Variants in NFATC4 observed in about 807,000 individuals in gnomAD.
NFATC4 encodes nuclear factor of activated T-cells, cytoplasmic 4.
NFATC4 carries 25 observed loss-of-function variants against 73.4 expected under a neutral mutation model. That is an observed-to-expected ratio of 0.34 (90% CI 0.25 to 0.48). The LOEUF is 0.48. Among genes scored for constraint, NFATC4 ranks in the 20% least tolerant of loss-of-function variants. The probability of loss-of-function intolerance (pLI) is 0.99; values close to 1 mark genes in which losing one functional copy is unlikely to be tolerated. For synonymous variants in NFATC4, 523 were observed against 510.3 expected (o/e 1.02, Z -0.34); for missense variants, 1,130 against 1,203.7 (o/e 0.94, Z 0.91).
chr14:24,368,143 C>G, upstream of NFATC4: 1 of 1,204,592 alleles, frequency 8.3e-7, no homozygotes, highest in Non-Finnish European at 1.0e-6. Context: ...GGGGGGGGAC[C>G]GCTTTGAAGA....
chr14:24,372,160 A>C, intron 2 of NFATC4: 1 of 391,612 alleles, frequency 2.6e-6, no homozygotes, highest in East Asian at 5.2e-5. Flanking sequence ...AGAGCTGGGA[A>C]GAAGGGAGTT....
intron 2 of NFATC4, 136 bp from the exon 3 acceptor site, chr14:24,372,305 A>C: frequency 1.1e-6 from 1 of 891,046 alleles, no homozygotes; most frequent in Non-Finnish European, 1.6e-6. Context: ...TCTTTTCACA[A>C]GTGTTAATGT....
rs755315474 is a variant in NFATC4, at chr14:24,374,121, C to A, written c.1733-205C>A. Reference sequence around the variant, plus strand: ...CTTGTTTGGGAAACTCCCTGGTCTACCCTGTTTAACCCTCTCTCTGCTCTG... The same window carrying A: ...CTTGTTTGGGAAACTCCCTGGTCTAACCTGTTTAACCCTCTCTCTGCTCTG... On this transcript the variant is annotated intron_variant, in intron 5 of 9. Coordinates refer to ENST00000250373, the MANE Select transcript of NFATC4 (RefSeq NM_004554.5). The A allele has an allele frequency of 1.7e-5, 15 of 876,662 alleles. No individual in the cohort carries two copies. In the South Asian group the frequency reaches 2.1e-4, roughly 13 times the overall value. The allele number at this position is 876,662 out of a possible 1,614,324, so 54.3% of individuals were successfully genotyped here.
Position 24,373,943 on chromosome 14 carries a change from T to G in NFATC4, c.1732+76T>G. Reference sequence around the variant, plus strand: ...CTGTGTGTGTGTGTCTGTCTGCCCATTCCCTCTGCAGCGTCCTGTGCCCTG... The same window carrying G: ...CTGTGTGTGTGTGTCTGTCTGCCCAGTCCCTCTGCAGCGTCCTGTGCCCTG... On this transcript the variant is annotated intron_variant, in intron 5 of 9. Transcript: ENST00000250373. The surrounding 1 kb of genome is among the most constrained non-coding windows in gnomAD (Gnocchi z 4.7). 1 of 1,577,624 alleles carries G rather than the reference T, an allele frequency of 6.3e-7. No homozygotes were observed. Among genetic ancestry groups the G allele is most frequent in the Non-Finnish European group, 8.6e-7 (1 of 1,156,512 alleles).
intron 1 of NFATC4, chr14:24,369,246 C>G: frequency 6.5e-7 from 1 of 1,537,880 alleles, no homozygotes; most frequent in Non-Finnish European, 8.7e-7. Context: ...ACCTCTCTCA[C>G]CTTAAGACCC....
chr14:24,372,817 G>A (rs1375278224), intron 3 of NFATC4: 2 of 636,456 alleles, frequency 3.1e-6, no homozygotes, highest in Admixed American at 5.9e-5. Context: ...CATCCCATGG[G>A]ACACCAGCCT....
chr14:24,374,284 A>G (rs1566468832), intron 5 of NFATC4, 42 bp from the exon 6 acceptor site: 1 of 1,573,056 alleles, frequency 6.4e-7, no homozygotes, highest in Non-Finnish European at 8.6e-7. Context: ...CCACCCCTCC[A>G]TGCCCAGCCC....
intron 5 of NFATC4, 93 bp from the exon 6 acceptor site, chr14:24,374,233 C>T (rs980319315): frequency 2.7e-6 from 4 of 1,471,800 alleles, no homozygotes; most frequent in African/African-American, 2.8e-5. Flanking sequence ...TCCCTCAGAG[C>T]CCTGTGGCAG....
At chr14:24,372,689 A>G in intron 3 of NFATC4, 86 bp downstream of exon 3, 3 of 1,539,112 alleles carry the variant, frequency 1.9e-6, no homozygotes, top group Non-Finnish European at 1.8e-6. Context: ...GCCCTTTCCC[A>G]CACTCCCTCT....
rs915895864 is a variant in NFATC4 at position 24,378,325 on chromosome 14, A to T, written c.*620A>T. ...TAGGAGCTTTGGGATGAGGCCCAGG[A>T]GGCTGCATTTTTCCAGGTCCTTAGT... is the stretch of plus-strand genomic sequence containing the variant. On this transcript the variant is annotated 3_prime_UTR_variant, in exon 10 of 10. Coordinates refer to ENST00000250373, the MANE Select transcript of NFATC4 (RefSeq NM_004554.5). 4 of 155,022 alleles carry T rather than the reference A, an allele frequency of 2.6e-5. No homozygotes were observed. Among genetic ancestry groups the T allele is most frequent in the Non-Finnish European group, 5.7e-5 (4 of 69,634 alleles). 9.6% of individuals were successfully genotyped at this position (155,022 alleles called of 1,614,324 possible). A position where few individuals can be genotyped will look rare whatever the true frequency, so the allele number is the denominator to read the frequency against.
chr14:24,372,530 A>G lies in NFATC4; in HGVS notation c.1286A>G (p.His429Arg). 6.2e-7 allele frequency: 1 copy of G among 1,613,964 alleles called. No individual in the cohort carries two copies. Among genetic ancestry groups the G allele is most frequent in the South Asian group, 1.1e-5 (1 of 91,076 alleles). Reference protein sequence around the residue: ...LRIEVQPRAHHRAHYETEGSR... With the variant: ...LRIEVQPRAHRRAHYETEGSR... ...ATCGAGGTACAGCCTAGAGCCCACC[A>G]CCGGGCCCACTATGAGACAGAAGGC... The change falls in exon 3 of 10, where the codon CAC becomes CGC. Residue 429 changes from histidine to arginine, a missense_variant. Around this residue, in one of 3 missense-constraint regions of NFATC4, gnomAD observed 585 missense variants for 574.3 expected, o/e 1.02. Transcript: ENST00000250373.
In NFATC4 at chr14:24,376,270, T is replaced by C. The variant is rs910430246; in HGVS notation, c.2057-24T>C. The C allele has an allele frequency of 3.9e-6, 6 of 1,557,052 alleles. No homozygotes were observed. In the African/African-American group the frequency reaches 4.1e-5, roughly 11 times the overall value. On this transcript the variant is annotated intron_variant, in intron 8 of 9. Coordinates refer to ENST00000250373, the MANE Select transcript of NFATC4 (RefSeq NM_004554.5). The surrounding 1 kb of genome is among the most constrained non-coding windows in gnomAD (Gnocchi z 5.0). ...GACTACCAGACCTCTCACCAGCATGTCCTCCCACTTCCTGTCTTCCCAGTG... is the reference window on the plus strand; with the variant it reads ...GACTACCAGACCTCTCACCAGCATGCCCTCCCACTTCCTGTCTTCCCAGTG...
Position 24,373,049 on chromosome 14 carries a change from C to G in NFATC4, c.1360-122C>G, listed in dbSNP as rs544912477. On this transcript the variant is annotated intron_variant, in intron 3 of 9. Transcript: ENST00000250373. This position sits in a 1 kb window ranked among gnomAD's most constrained non-coding sequence, Gnocchi z 4.7. ...CGGGTGCCCAGTTCCCCAAGGGATT[C>G]CCTTGCAGGATATCCTTTATCTTTC... is the stretch of plus-strand genomic sequence containing the variant. The G allele has an allele frequency of 1.8e-5, 18 of 982,460 alleles. No individual in the cohort carries two copies. In the African/African-American group the frequency reaches 2.8e-4, roughly 15 times the overall value. 60.9% of individuals were successfully genotyped at this position (982,460 alleles called of 1,614,324 possible).
intron 1 of NFATC4, chr14:24,369,277 TC>T: frequency 6.5e-7 from 1 of 1,549,206 alleles, no homozygotes; most frequent in Non-Finnish European, 8.7e-7. Context: ...GTACCCTCGG[TC>T]CTAGGATCCA....
At chr14:24,372,701 A>T in intron 3 of NFATC4, 98 bp downstream of exon 3, 1 of 1,485,740 alleles carries the variant, frequency 6.7e-7, no homozygotes, top group South Asian at 1.2e-5. Context: ...ACTCCCTCTC[A>T]GCTCTGACCC....
chr14:24,367,572 G>A, upstream of NFATC4: 1 of 1,536,124 alleles, frequency 6.5e-7, no homozygotes, highest in Non-Finnish European at 8.7e-7. Flanking sequence ...CTTCATCTTT[G>A]GGGGTCCTGG....
Position 24,377,168 on chromosome 14 carries a change from T to A in NFATC4, c.2641+290T>A, listed in dbSNP as rs527361384. ...TAGAAGCACTTTCAAGATCATTCCA[T>A]CCAGCGCATTCAATTTGCAAGTTTA... On this transcript the variant is annotated intron_variant, in intron 9 of 9. Transcript: ENST00000250373. This position sits in a 1 kb window ranked among gnomAD's most constrained non-coding sequence, Gnocchi z 4.2. 6 of 1,290,696 alleles carry A rather than the reference T, an allele frequency of 4.6e-6. No homozygotes were observed. The African/African-American group carries it at 9.0e-5, about 19-fold the overall frequency. The allele number at this position is 1,290,696 out of a possible 1,614,324, so 80.0% of individuals were successfully genotyped here.
At position 24,370,031 on chromosome 14, in the gene NFATC4, G is replaced by A. The variant is rs1451740315; in HGVS notation, c.633G>A (p.Leu211=). ...ELNEAASRFG[L]GSPLPSPRAS... is the part of the protein sequence containing the mutation. ...ATGAGGCGGCCTCCCGCTTTGGCCTGGGCTCCCCGCTGCCCTCGCCCCGGG... is the reference window on the plus strand; with the variant it reads ...ATGAGGCGGCCTCCCGCTTTGGCCTAGGCTCCCCGCTGCCCTCGCCCCGGG... Residue 211 remains leucine (L), a synonymous_variant, in exon 2 of 10, where the codon CTG becomes CTA. Coordinates refer to ENST00000250373, the MANE Select transcript of NFATC4 (RefSeq NM_004554.5). 1 of 1,611,254 alleles carries A rather than the reference G, an allele frequency of 6.2e-7. No individual in the cohort carries two copies. Among genetic ancestry groups the A allele is most frequent in the Non-Finnish European group, 8.5e-7 (1 of 1,179,932 alleles).
rs746242895 is a variant in NFATC4, at chr14:24,370,191, C to T, written c.793C>T (p.Pro265Ser). The T allele has an allele frequency of 3.5e-5, 57 of 1,607,632 alleles. No homozygotes were observed. Among genetic ancestry groups the T allele is most frequent in the Non-Finnish European group, 4.7e-5 (56 of 1,179,908 alleles). The change falls in exon 2 of 10, where the codon CCA becomes TCA. Residue 265 changes from proline to serine, a missense_variant. Pro to Ser is a moderately conservative substitution (Grantham distance 74). Coordinates refer to ENST00000250373, the MANE Select transcript of NFATC4 (RefSeq NM_004554.5). ...CCCAGCCTCCCCGCGGCCTGCCTCTCCATGTGGCAAGCGGCGCTATTCCAG... is the reference window on the plus strand; with the variant it reads ...CCCAGCCTCCCCGCGGCCTGCCTCTTCATGTGGCAAGCGGCGCTATTCCAG... ...PTPASPRPAS[P>S]CGKRRYSSSG...
Sources: allele counts gnomAD v4.1 joint callset, GRCh38; gene constraint gnomAD v4.1.1; regional missense constraint gnomAD v4.1.1; non-coding constraint Gnocchi (gnomAD v3.1); transcripts MANE v1.5; gene names NCBI Gene and HGNC (gene_info 2026-07-23, HGNC 2026-07-21).